The following ARHGAP20 variants were observed in gnomAD, a reference collection of about 807,000 sequenced individuals.
The protein encoded by ARHGAP20 is Rho GTPase activating protein 20.
In ARHGAP20, 34 loss-of-function variants were observed where a neutral mutation model predicts 73.7. The ratio of observed to expected loss-of-function variants is 0.46; its 90% confidence interval spans 0.35 to 0.61. The LOEUF (loss-of-function observed/expected upper bound fraction) is 0.61, where lower values mean the gene tolerates loss of function less well. Ranked by LOEUF, ARHGAP20 falls within the 20% of genes least tolerant of loss-of-function variation. The pLI, the probability that ARHGAP20 is intolerant of heterozygous loss-of-function variation, is 0.00. For synonymous variants in ARHGAP20, 523 were observed against 518.2 expected, an observed-to-expected ratio of 1.01 and a Z score of -0.13; for missense variants, 1,314 against 1,420.9, an observed-to-expected ratio of 0.92 and a Z score of 1.21.
chr11:110,674,149 T>C (rs867625521), intron 2 of ARHGAP20, among the ~76,000 whole-genome samples: 2 of 152,112 alleles, frequency 1.3e-5, no homozygotes, highest in African/African-American at 4.8e-5. Context: ...TTGGCCAGGA[T>C]GTTCTCGATC....
intron 2 of ARHGAP20, among the ~76,000 whole-genome samples, chr11:110,668,848 A>G (rs1026640162): frequency 6.6e-6 from 1 of 152,178 alleles, no homozygotes; most frequent in Non-Finnish European, 1.5e-5. Flanking sequence ...GAATTTGACA[A>G]AGGTACAAAG....
chr11:110,591,128 A>G (rs1282781422), intron 10 of ARHGAP20, among the ~76,000 whole-genome samples: 1 of 152,232 alleles, frequency 6.6e-6, no homozygotes, highest in South Asian at 2.1e-4. Flanking sequence ...ATTCCTAAAA[A>G]TTGCTCAGAG....
intron 2 of ARHGAP20, among the ~76,000 whole-genome samples, chr11:110,689,148 G>A (rs1950193888): frequency 6.6e-6 from 1 of 151,768 alleles, no homozygotes; most frequent in Admixed American, 6.6e-5. Context: ...ACAGGCCCTC[G>A]CCACCACGCC....
At chr11:110,618,727 GTATGCAGTGATAGAGTA>G (rs1055065956) in intron 4 of ARHGAP20, among the ~76,000 whole-genome samples, 8 of 143,600 alleles carry the variant, frequency 5.6e-5, no homozygotes, top group East Asian at 2.1e-4. Flanking sequence ...CAGTGAGAGT[GTATGCAGTGATAGAGTA>G]TATGCAGTGA....
intron 2 of ARHGAP20, among the ~76,000 whole-genome samples, chr11:110,665,986 C>A (rs1252025468): frequency 1.3e-5 from 2 of 151,980 alleles, no homozygotes; most frequent in Non-Finnish European, 2.9e-5. Context: ...TACACACACA[C>A]ACACACACGT....
chr11:110,691,451 C>T (rs1950240827), intron 1 of ARHGAP20, among the ~76,000 whole-genome samples: 1 of 152,140 alleles, frequency 6.6e-6, no homozygotes, highest in South Asian at 2.1e-4. Flanking sequence ...CCTTTCATCC[C>T]ATATCCCTCT....
At chr11:110,639,957 T>C (rs1340398207) in intron 2 of ARHGAP20, among the ~76,000 whole-genome samples, 5 of 151,982 alleles carry the variant, frequency 3.3e-5, no homozygotes, top group East Asian at 1.9e-4. Flanking sequence ...AGGAGTGGAA[T>C]TGCTAGATCA....
chr11:110,630,852 T>A (rs1360089517), intron 2 of ARHGAP20, 60 bp from the exon 3 acceptor site: 1 of 1,537,638 alleles, frequency 6.5e-7, no homozygotes, highest in Non-Finnish European at 8.8e-7. Flanking sequence ...GGTCAAGAAC[T>A]ACAAAATTCT....
chr11:110,628,762 G>A (rs1369548091), intron 3 of ARHGAP20, among the ~76,000 whole-genome samples: 1 of 152,060 alleles, frequency 6.6e-6, no homozygotes, highest in Non-Finnish European at 1.5e-5. Context: ...CAAAAGCAGT[G>A]TATGGGAAAA....
intron 12 of ARHGAP20, among the ~76,000 whole-genome samples, chr11:110,585,906 TATG>T (rs542302603): frequency 2.9e-4 from 44 of 152,284 alleles, no homozygotes; most frequent in African/African-American, 1.0e-3. Context: ...GAATGCAATA[TATG>T]ATGAGTTGTC....
chr11:110,587,176 T>A (rs1006546814), intron 11 of ARHGAP20, among the ~76,000 whole-genome samples: 33 of 152,212 alleles, frequency 2.2e-4, no homozygotes, highest in Admixed American at 6.5e-5. Flanking sequence ...AAAATTTGGT[T>A]CTTGTCCTGG....
chr11:110,596,570 G>A (rs1177652082), intron 9 of ARHGAP20, among the ~76,000 whole-genome samples: 2 of 152,138 alleles, frequency 1.3e-5, no homozygotes, highest in Non-Finnish European at 2.9e-5. Context: ...TCAGAGAAAT[G>A]CAAATCAAAA....
intron 4 of ARHGAP20, among the ~76,000 whole-genome samples, chr11:110,618,659 A>ATATATGCAGTGATAGAG (rs1479445546): frequency 1.4e-5 from 2 of 147,586 alleles, no homozygotes; most frequent in African/African-American, 2.5e-5. Flanking sequence ...CAGTGATAGC[A>ATATATGCAGTGATAGAG]TATATGCAGT....
chr11:110,698,700 C>T (rs919431230), intron 1 of ARHGAP20, among the ~76,000 whole-genome samples: 3 of 151,700 alleles, frequency 2.0e-5, no homozygotes, highest in Non-Finnish European at 4.4e-5. Context: ...CTAGTTTATA[C>T]GCATAGAGGT....
chr11:110,581,035 G>T lies in ARHGAP20; in HGVS notation c.1911C>A (p.Ser637Arg). ...QPEVEGLLTL[S>R]DFDLAHSKDE... ...CTTTAGAATGGGCCAAGTCAAAGTC[G>T]CTTAGGGTTAAAAGGCCTTCCACCT... The change falls in exon 15 of 15, where the codon AGC becomes AGA. Residue 637 changes from serine (S) to arginine (R), a missense_variant. Ser to Arg is a moderately radical substitution (Grantham distance 110). Coordinates refer to ENST00000683387, the MANE Select transcript of ARHGAP20 (RefSeq NM_001384657.1). 2 of 1,614,128 alleles carry T rather than the reference G, an allele frequency of 1.2e-6. No individual in the cohort carries two copies. The highest frequency in any genetic ancestry group is 1.7e-6 in the Non-Finnish European group (2 of 1,180,032).
At chr11:110,683,988 G>C (rs2135100451) in intron 2 of ARHGAP20, among the ~76,000 whole-genome samples, 1 of 152,268 alleles carries the variant, frequency 6.6e-6, no homozygotes, top group Non-Finnish European at 1.5e-5. Flanking sequence ...GTCATGTGAG[G>C]ACACAGTAAG....
chr11:110,678,146 G>A (rs955797684), intron 2 of ARHGAP20, among the ~76,000 whole-genome samples: 2 of 152,114 alleles, frequency 1.3e-5, no homozygotes, highest in African/African-American at 2.4e-5. Context: ...TATTTGAAAT[G>A]TCCAGAAGAG....
At position 110,690,657 on chromosome 11, in the gene ARHGAP20, A is replaced by C. The variant is rs747170191; in HGVS notation, c.106-28T>G. 25 of 1,599,926 alleles carry C rather than the reference A, an allele frequency of 1.6e-5. No individual in the cohort carries two copies. The South Asian group carries it at 2.4e-4, about 16-fold the overall frequency. On this transcript the variant is annotated intron_variant, in intron 1 of 14. Transcript: ENST00000683387. ...GTTGATGAAACAAACCAAAATGAAG[A>C]CCACATGGCTTGTAAGGCAAGACAA...
intron 2 of ARHGAP20, among the ~76,000 whole-genome samples, chr11:110,643,495 T>A (rs1949119233): frequency 6.6e-6 from 1 of 152,146 alleles, no homozygotes; most frequent in Non-Finnish European, 1.5e-5. Context: ...AATACTTTTT[T>A]TTGATTTCTG....
Sources: gnomAD v4.1 joint callset for allele counts (sites outside exome capture counted in the v4.1 genomes callset) on GRCh38, gnomAD v4.1.1 for gene constraint, MANE v1.5 for transcripts, NCBI Gene and HGNC (gene_info 2026-07-23, HGNC 2026-07-21) for gene names.